The following CLIC4 variants were observed in gnomAD, a reference collection of about 807,000 sequenced individuals.
The protein encoded by CLIC4 is chloride intracellular channel protein 4.
Under a neutral mutation model 24.6 loss-of-function variants are expected in CLIC4, and 13 were observed. That is an observed-to-expected ratio of 0.53 (90% CI 0.34 to 0.84). The LOEUF (loss-of-function observed/expected upper bound fraction) is 0.84. CLIC4 is among the 40% of genes least tolerant of loss of function. CLIC4 has a pLI of 0.01. For synonymous variants in CLIC4, 104 were observed against 111.3 expected, an observed-to-expected ratio of 0.93 and a Z score of 0.41; for missense variants, 227 against 301.7, an observed-to-expected ratio of 0.75 and a Z score of 1.83.
At chr1:24,836,607 G>A (rs1315972815) in intron 4 of CLIC4, among the ~76,000 whole-genome samples, 1 of 152,212 alleles carries the variant, frequency 6.6e-6, no homozygotes, top group East Asian at 1.9e-4. Context: ...GGAGGCTGAG[G>A]TGGGCAGATC....
At chr1:24,750,398 C>T (rs917561368) in intron 1 of CLIC4, among the ~76,000 whole-genome samples, 7 of 151,322 alleles carry the variant, frequency 4.6e-5, no homozygotes, top group African/African-American at 1.7e-4. Flanking sequence ...GGCATAAGGT[C>T]CCTTGTAATC....
chr1:24,825,935 G>A (rs538528117), intron 3 of CLIC4, among the ~76,000 whole-genome samples: 2 of 152,174 alleles, frequency 1.3e-5, no homozygotes, highest in Non-Finnish European at 2.9e-5. Flanking sequence ...TTCTAGTGAC[G>A]TTTTGCAGGA....
chr1:24,762,022 A>G (rs1638932615), intron 1 of CLIC4, among the ~76,000 whole-genome samples: 1 of 152,200 alleles, frequency 6.6e-6, no homozygotes, highest in Non-Finnish European at 1.5e-5. Context: ...GGACCTACAG[A>G]TCTGTTCAGA....
intron 1 of CLIC4, among the ~76,000 whole-genome samples, chr1:24,752,862 A>G (rs1015511937): frequency 2.6e-5 from 4 of 152,138 alleles, no homozygotes; most frequent in Middle Eastern, 3.2e-3. Context: ...AGCTGGGACT[A>G]CAGGCGCGTG....
chr1:24,804,560 T>G (rs1639527067), intron 2 of CLIC4, among the ~76,000 whole-genome samples: 1 of 49,150 alleles, frequency 2.0e-5, no homozygotes, highest in African/African-American at 8.9e-5. Context: ...TGGGGGGATG[T>G]GTGTACGTGG....
chr1:24,808,678 ATT>A (rs35508226), intron 2 of CLIC4, among the ~76,000 whole-genome samples: 4 of 138,268 alleles, frequency 2.9e-5, no homozygotes, highest in African/African-American at 2.7e-5. Flanking sequence ...TATCTATAAA[ATT>A]TTTTTTTTTT....
At chr1:24,750,798 T>C (rs1174312207) in intron 1 of CLIC4, among the ~76,000 whole-genome samples, 1 of 152,142 alleles carries the variant, frequency 6.6e-6, no homozygotes, top group Non-Finnish European at 1.5e-5. Flanking sequence ...AATTAATATA[T>C]GTAGTATGCA....
At chr1:24,787,109 T>TGATG (rs1490986539) in intron 1 of CLIC4, among the ~76,000 whole-genome samples, 3 of 152,134 alleles carry the variant, frequency 2.0e-5, no homozygotes, top group Admixed American at 6.6e-5. Flanking sequence ...TTTTTTGTGG[T>TGATG]GATGGGATCT....
At chr1:24,823,561 TC>T (rs1004963926) in intron 3 of CLIC4, among the ~76,000 whole-genome samples, 3 of 151,812 alleles carry the variant, frequency 2.0e-5, no homozygotes, top group African/African-American at 7.3e-5. Context: ...GATCATGAGG[TC>T]AGCAGTTTGA....
In CLIC4 at chr1:24,843,439, T is replaced by G. The variant is rs1243507055; in HGVS notation, c.*2502T>G. 1 of 152,222 alleles carries G rather than the reference T, an allele frequency of 6.6e-6. No homozygotes were observed. Among genetic ancestry groups the G allele is most frequent in the Non-Finnish European group, 1.5e-5 (1 of 68,014 alleles). The allele number at this position is 152,222 out of a possible 1,614,324, so 9.4% of individuals were successfully genotyped here. A position where few individuals can be genotyped will look rare whatever the true frequency, so the allele number is the denominator to read the frequency against. On this transcript the variant is annotated 3_prime_UTR_variant, in exon 6 of 6. Transcript: ENST00000374379. ...ACAACTAACATCCATTCCCCTTCAT[T>G]TAAACACCTTTTGTGTTTTACTTCA...
At position 24,780,242 on chromosome 1, in the gene CLIC4, G is replaced by C. The variant is rs113735571; in HGVS notation, c.73-17500G>C. 6.1e-3 allele frequency among the ~76,000 whole-genome samples: 929 copies of C among 152,326 alleles called. 11 individuals are homozygous for C. The highest frequency in any genetic ancestry group is 0.021 in the African/African-American group (893 of 41,562). On this transcript the variant is annotated intron_variant, in intron 1 of 5. Transcript: ENST00000374379. ...GCAACTAAGGCCCAGAGAGGTTTAA[G>C]TAACTTACCCAATATCACACTCATG... is the stretch of plus-strand genomic sequence containing the variant.
intron 1 of CLIC4, among the ~76,000 whole-genome samples, chr1:24,785,741 A>G (rs147755940): frequency 4.0e-5 from 6 of 151,174 alleles, no homozygotes; most frequent in African/African-American, 1.2e-4. Flanking sequence ...AATCCCAGCT[A>G]CTTGGGAGGC....
chr1:24,785,282 A>G (rs952886245), intron 1 of CLIC4, among the ~76,000 whole-genome samples: 24 of 152,156 alleles, frequency 1.6e-4, no homozygotes, highest in African/African-American at 5.8e-4. Flanking sequence ...TCTTTAAGTC[A>G]AGTAACATTT....
At chr1:24,802,220 G>T (rs868417114) in intron 2 of CLIC4, among the ~76,000 whole-genome samples, 3 of 152,162 alleles carry the variant, frequency 2.0e-5, no homozygotes, top group African/African-American at 7.2e-5. Context: ...GGTCAGAAAA[G>T]GAAGTAAACC....
intron 1 of CLIC4, among the ~76,000 whole-genome samples, chr1:24,792,051 TAAAAAA>T (rs61493384): frequency 7.7e-6 from 1 of 129,858 alleles, no homozygotes; most frequent in Non-Finnish European, 1.6e-5. Flanking sequence ...TCCACCTAAT[TAAAAAA>T]AAAAAAAAAA....
chr1:24,769,554 T>C (rs1639047492), intron 1 of CLIC4, among the ~76,000 whole-genome samples: 1 of 152,222 alleles, frequency 6.6e-6, no homozygotes, highest in Non-Finnish European at 1.5e-5. Context: ...TTTGTTTATG[T>C]TATTTTTCTC....
chr1:24,812,729 CT>C (rs199862185), intron 2 of CLIC4, among the ~76,000 whole-genome samples: 7 of 151,816 alleles, frequency 4.6e-5, no homozygotes, highest in African/African-American at 1.4e-4. Context: ...CTATTTCTTT[CT>C]TTTTTTTGAG....
At chr1:24,747,940 G>A (rs1172845835) in intron 1 of CLIC4, among the ~76,000 whole-genome samples, 1 of 151,290 alleles carries the variant, frequency 6.6e-6, no homozygotes, top group Admixed American at 6.6e-5. Flanking sequence ...CATGAGAATC[G>A]CTTGAACCGG....
intron 2 of CLIC4, among the ~76,000 whole-genome samples, chr1:24,808,796 C>A (rs1298758814): frequency 6.6e-6 from 1 of 151,718 alleles, no homozygotes; most frequent in East Asian, 1.9e-4. Context: ...CCTGCCTTAG[C>A]CTCCCAAGTA....
Sources: gnomAD v4.1 joint callset for allele counts (sites outside exome capture counted in the v4.1 genomes callset) on GRCh38, gnomAD v4.1.1 for gene constraint, MANE v1.5 for transcripts, NCBI Gene and HGNC (gene_info 2026-07-23, HGNC 2026-07-21) for gene names.